The following MED13L variants were observed in gnomAD, a reference collection of about 807,000 sequenced individuals.
MED13L encodes the protein mediator of RNA polymerase II transcription subunit 13-like.
In MED13L, 7 loss-of-function variants were observed where a neutral mutation model predicts 220.9. The observed-to-expected ratio is 0.03, with a 90% CI of 0.02 to 0.06. The LOEUF is 0.06. Among genes scored for constraint, MED13L ranks in the 10% least tolerant of loss-of-function variants. The pLI, the probability that MED13L is intolerant of heterozygous loss-of-function variation, is 1.00. For synonymous variants in MED13L, 1,011 were observed against 1,015.2 expected (o/e 1.00, Z 0.08); for missense variants, 1,965 against 2,760.5 (o/e 0.71, Z 6.46).
intron 4 of MED13L, among the ~76,000 whole-genome samples, chr12:116,050,999 C>G (rs541693406): frequency 1.3e-5 from 2 of 152,068 alleles, no homozygotes; most frequent in African/African-American, 4.8e-5. Flanking sequence ...GCTCATTTTT[C>G]AAATATTTAA....
intron 4 of MED13L, among the ~76,000 whole-genome samples, chr12:116,078,606 A>AG (rs1410628446): frequency 6.6e-6 from 1 of 152,198 alleles, no homozygotes; most frequent in Admixed American, 6.5e-5. Flanking sequence ...TTGTAAATAA[A>AG]GCTTTATTGG....
chr12:116,227,381 G>A (rs971273412), intron 2 of MED13L, among the ~76,000 whole-genome samples: 1 of 152,026 alleles, frequency 6.6e-6, no homozygotes, highest in African/African-American at 2.4e-5. Flanking sequence ...ACATTGTTTC[G>A]CTTCACAGAT....
At chr12:116,025,810 T>C (rs1323179866) in intron 4 of MED13L, among the ~76,000 whole-genome samples, 1 of 152,170 alleles carries the variant, frequency 6.6e-6, no homozygotes, top group Admixed American at 6.5e-5. Context: ...GTAGGGTAAC[T>C]AGTTAACAAT....
intron 7 of MED13L, among the ~76,000 whole-genome samples, chr12:116,018,667 T>A (rs185863750): frequency 6.6e-6 from 1 of 152,286 alleles, no homozygotes; most frequent in Non-Finnish European, 1.5e-5. Context: ...AATTTTTCCA[T>A]GAAGACAGGC....
At chr12:116,253,744 G>GTTT (rs1278727900) in intron 1 of MED13L, among the ~76,000 whole-genome samples, 5 of 108,684 alleles carry the variant, frequency 4.6e-5, no homozygotes, top group African/African-American at 1.5e-4. Flanking sequence ...CACCTTCACG[G>GTTT]TTTTTTTTGT....
chr12:116,103,441 T>C (rs576290938), intron 3 of MED13L, among the ~76,000 whole-genome samples: 6 of 152,190 alleles, frequency 3.9e-5, no homozygotes, highest in African/African-American at 1.4e-4. Context: ...TTTATTTCTT[T>C]AGTTTTAATT....
At position 116,193,963 on chromosome 12, in the gene MED13L, T is replaced by C. The variant is rs148734946; in HGVS notation, c.310+43505A>G. Among the ~76,000 whole-genome samples, 451 of 152,328 alleles carry C rather than the reference T, an allele frequency of 3.0e-3. 1 individual carries two copies. The highest frequency in any genetic ancestry group is 0.01 in the African/African-American group (429 of 41,582). On this transcript the variant is annotated intron_variant, in intron 2 of 30. Transcript: ENST00000281928. ...AGACATTAACAAAGTTCAATTTCAC[T>C]ATTAAAAAGCTCCAATTAACTTTCC...
chr12:116,060,047 T>A (rs1257871580), intron 4 of MED13L, among the ~76,000 whole-genome samples: 1 of 152,054 alleles, frequency 6.6e-6, no homozygotes, highest in Non-Finnish European at 1.5e-5. Context: ...CCTCTAATAC[T>A]AGAGGTGCAG....
At chr12:116,038,806 G>C (rs1881352251) in intron 4 of MED13L, among the ~76,000 whole-genome samples, 1 of 147,746 alleles carries the variant, frequency 6.8e-6, no homozygotes, top group Non-Finnish European at 1.5e-5. Context: ...TGCTAGCTAG[G>C]TATGCAGCCT....
At chr12:116,260,422 G>A (rs1872422647) in intron 1 of MED13L, among the ~76,000 whole-genome samples, 1 of 152,124 alleles carries the variant, frequency 6.6e-6, no homozygotes, top group Admixed American at 6.6e-5. Context: ...TTGCACTCCT[G>A]AACACGAGGA....
rs375813691 is a variant in MED13L at position 116,076,397 on chromosome 12, C to A, written c.479+20272G>T. Among the ~76,000 whole-genome samples, 64 of 152,168 alleles carry A rather than the reference C, an allele frequency of 4.2e-4. 1 individual carries two copies. The South Asian group carries it at 0.013, about 31-fold the overall frequency. ...ACAATAAATACACAAATTAGCTGGG[C>A]ACAGTGGCACACACCTGCAGTCTCT... On this transcript the variant is annotated intron_variant, in intron 4 of 30. Coordinates refer to ENST00000281928, the MANE Select transcript of MED13L (RefSeq NM_015335.5).
intron 2 of MED13L, among the ~76,000 whole-genome samples, chr12:116,131,255 G>C (rs1294043879): frequency 6.6e-6 from 1 of 152,162 alleles, no homozygotes; most frequent in South Asian, 2.1e-4. Context: ...TTTATTTATG[G>C]AAATTATACA....
Position 115,984,241 on chromosome 12 carries a change from G to A in MED13L, c.4470C>T (p.Gly1490=), listed in dbSNP as rs375966653. The A allele has an allele frequency of 6.2e-6, 10 of 1,613,818 alleles. No individual in the cohort carries two copies. Among genetic ancestry groups the A allele is most frequent in the South Asian group, 2.2e-5 (2 of 91,032 alleles). The change falls in exon 20 of 31, where the codon GGC becomes GGT. Residue 1490 remains glycine (G), a synonymous_variant. Coordinates refer to ENST00000281928, the MANE Select transcript of MED13L (RefSeq NM_015335.5). ...VSEWFNQPWS[G]EENDNHSRLK... is the part of the protein sequence containing the mutation. ...GTCTGGAATGATTGTCATTCTCCTCGCCGCTCCAAGGCTGGTTAAACCACT... is the reference window on the plus strand; with the variant it reads ...GTCTGGAATGATTGTCATTCTCCTCACCGCTCCAAGGCTGGTTAAACCACT...
intron 4 of MED13L, among the ~76,000 whole-genome samples, chr12:116,089,488 G>A (rs1356070324): frequency 6.6e-6 from 1 of 152,152 alleles, no homozygotes; most frequent in Non-Finnish European, 1.5e-5. Context: ...AAGTATTACA[G>A]TATCCTTTTA....
intron 2 of MED13L, chr12:116,174,669 T>C (rs1593129473): frequency 6.6e-6 from 1 of 152,348 alleles, no homozygotes; most frequent in East Asian, 1.9e-4. Flanking sequence ...TGTTACTAGC[T>C]GCCAACACCT....
chr12:116,140,955 G>GTT (rs1179964847), intron 2 of MED13L, among the ~76,000 whole-genome samples: 16 of 152,158 alleles, frequency 1.1e-4, no homozygotes, highest in African/African-American at 3.6e-4. Context: ...CTGTTGTGCT[G>GTT]TTTGTTTCCT....
intron 1 of MED13L, among the ~76,000 whole-genome samples, chr12:116,243,452 T>G (rs1870827360): frequency 6.6e-6 from 1 of 152,244 alleles, no homozygotes; most frequent in South Asian, 2.1e-4. Flanking sequence ...TACAGTCAGT[T>G]CCAAACAGTT....
chr12:116,004,457 C>T (rs1322332926), intron 13 of MED13L, among the ~76,000 whole-genome samples: 1 of 152,090 alleles, frequency 6.6e-6, no homozygotes, highest in African/African-American at 2.4e-5. Flanking sequence ...TTAGAGGATT[C>T]CTGCTTTCGG....
intron 2 of MED13L, among the ~76,000 whole-genome samples, chr12:116,145,659 C>CTATTTATTTATTTATTTATT (rs558385895): frequency 1.6e-5 from 2 of 123,560 alleles, no homozygotes; most frequent in African/African-American, 6.8e-5. Context: ...ACACTCAACT[C>CTATTTATTTATTTATTTATT]TATTTATTTA....
Sources: allele counts gnomAD v4.1 joint callset (sites outside exome capture counted in the v4.1 genomes callset), GRCh38; gene constraint gnomAD v4.1.1; transcripts MANE v1.5; gene names NCBI Gene and HGNC (gene_info 2026-07-23, HGNC 2026-07-21).